PRR16: variants seen among roughly 807,000 people sequenced by gnomAD.
The protein encoded by PRR16 is proline rich 16, also known as protein Largen.
In PRR16, 6 loss-of-function variants were observed where a neutral mutation model predicts 18.2. The observed-to-expected ratio is 0.33, with a 90% CI of 0.18 to 0.65. The LOEUF (loss-of-function observed/expected upper bound fraction) is 0.65, where lower values mean the gene tolerates loss of function less well. PRR16 is among the 30% of genes least tolerant of loss of function. The probability of loss-of-function intolerance (pLI) is 0.74; values close to 1 mark genes in which losing one functional copy is unlikely to be tolerated. For synonymous variants in PRR16, 151 were observed against 147.8 expected, an observed-to-expected ratio of 1.02 and a Z score of -0.16; for missense variants, 412 against 376.6, an observed-to-expected ratio of 1.09 and a Z score of -0.78.
At chr5:120,662,225 A>G (rs1756196781) in intron 1 of PRR16, among the ~76,000 whole-genome samples, 1 of 152,160 alleles carries the variant, frequency 6.6e-6, no homozygotes, top group Non-Finnish European at 1.5e-5. Flanking sequence ...CTTACCTTGA[A>G]ATGATCTTTA....
intron 1 of PRR16, among the ~76,000 whole-genome samples, chr5:120,655,532 T>G (rs143251102): frequency 1.3e-5 from 2 of 151,850 alleles, no homozygotes; most frequent in African/African-American, 4.8e-5. Context: ...AAGTAGTAGT[T>G]TGACAATATC....
At chr5:120,564,526 C>T (rs1008297322) in intron 1 of PRR16, among the ~76,000 whole-genome samples, 4 of 152,104 alleles carry the variant, frequency 2.6e-5, no homozygotes, top group Non-Finnish European at 4.4e-5. Flanking sequence ...CTTTGCTCTC[C>T]GCTATAACAA....
At chr5:120,479,831 C>T (rs917264045) in intron 1 of PRR16, among the ~76,000 whole-genome samples, 1 of 151,528 alleles carries the variant, frequency 6.6e-6, no homozygotes, top group Admixed American at 6.6e-5. Flanking sequence ...ACTTTGATAC[C>T]TACTAGTTCT....
intron 1 of PRR16, among the ~76,000 whole-genome samples, chr5:120,491,066 G>A (rs142997924): frequency 3.3e-5 from 5 of 152,026 alleles, no homozygotes; most frequent in African/African-American, 9.7e-5. Context: ...TGCCCCTACT[G>A]GGGGGTGCCT....
intron 1 of PRR16, among the ~76,000 whole-genome samples, chr5:120,470,017 A>T (rs1749217871): frequency 1.3e-5 from 2 of 152,294 alleles, no homozygotes; most frequent in East Asian, 1.9e-4. Flanking sequence ...GGATTATGTT[A>T]TTTTCATCCT....
chr5:120,610,672 C>T (rs1754305507), intron 1 of PRR16, among the ~76,000 whole-genome samples: 1 of 152,164 alleles, frequency 6.6e-6, no homozygotes, highest in South Asian at 2.1e-4. Context: ...GTGCCCTTCA[C>T]CTCCCACCAT....
At chr5:120,688,619 G>A (rs1056854665), downstream of PRR16, among the ~76,000 whole-genome samples, 4 of 152,070 alleles carry the variant, frequency 2.6e-5, no homozygotes, top group Admixed American at 6.6e-5. Context: ...AAGCTAGACC[G>A]TTCAATATTA....
intron 1 of PRR16, among the ~76,000 whole-genome samples, chr5:120,517,539 G>A (rs187409781): frequency 8.5e-5 from 13 of 152,086 alleles, no homozygotes; most frequent in Admixed American, 7.2e-4. Context: ...TAAATCGTAA[G>A]GAAAGAAACA....
the PRR16 span, among the ~76,000 whole-genome samples, chr5:120,721,728 C>A: frequency 4.0e-5 from 6 of 151,894 alleles, no homozygotes; most frequent in Non-Finnish European, 8.8e-5. Context: ...AATTATTGTT[C>A]TTGCTTCCAT....
rs1372633934 is a variant in PRR16 at position 120,464,633 on chromosome 5, G to A, written c.147G>A (p.Lys49=). 9 of 1,564,298 alleles carry A rather than the reference G, an allele frequency of 5.8e-6. No homozygotes were observed. Among genetic ancestry groups the A allele is most frequent in the Non-Finnish European group, 7.7e-6 (9 of 1,162,550 alleles). The change falls in exon 1 of 2, where the codon AAG becomes AAA. Residue 49 remains lysine (K), a synonymous_variant. Coordinates refer to ENST00000407149, the MANE Select transcript of PRR16 (RefSeq NM_001300783.2). ...LVLGDLKDVA[K]ELKEVVDQID... is the part of the protein sequence containing the mutation. ...TGGGCGACCTGAAGGACGTGGCCAA[G>A]GAACTTAAGGAGGTGAGAGGCGCAG...
the PRR16 span, chr5:120,789,897 A>T: frequency 1.6e-4 from 21 of 131,384 alleles, no homozygotes; most frequent in Non-Finnish European, 2.9e-4. Context: ...GTTTTTGTTA[A>T]ACCATACTTA....
chr5:120,545,617 G>A (rs74543363), intron 1 of PRR16, among the ~76,000 whole-genome samples: 7,548 of 151,934 alleles, frequency 0.05, 239 homozygotes, highest in East Asian at 0.1. Flanking sequence ...ATGTTGCATG[G>A]TGTATTTTAT....
chr5:120,604,891 T>C (rs1284237101), intron 1 of PRR16, among the ~76,000 whole-genome samples: 2 of 152,206 alleles, frequency 1.3e-5, no homozygotes, highest in Non-Finnish European at 2.9e-5. Flanking sequence ...AGGTTTCTCC[T>C]GAAAAATTCA....
chr5:120,506,308 T>C (rs1365293352), intron 1 of PRR16, among the ~76,000 whole-genome samples: 3 of 152,116 alleles, frequency 2.0e-5, no homozygotes, highest in African/African-American at 7.2e-5. Context: ...AATTTTATTT[T>C]AGAATAAATT....
chr5:120,736,212 G>A, the PRR16 span, among the ~76,000 whole-genome samples: 820 of 152,232 alleles, frequency 5.4e-3, 5 homozygotes, highest in Non-Finnish European at 9.2e-3. Context: ...ATGTTTTCTC[G>A]ACTAAAATTT....
chr5:120,742,584 A>G, the PRR16 span, among the ~76,000 whole-genome samples: 1 of 152,070 alleles, frequency 6.6e-6, no homozygotes, highest in African/African-American at 2.4e-5. Flanking sequence ...TAGTTTCATA[A>G]TTTATTCATG....
At chr5:120,780,293 T>C in the PRR16 span, among the ~76,000 whole-genome samples, 1 of 152,188 alleles carries the variant, frequency 6.6e-6, no homozygotes, top group Non-Finnish European at 1.5e-5. Flanking sequence ...TACTATAGAA[T>C]TGCACATAAA....
At chr5:120,489,660 T>C (rs887500142) in intron 1 of PRR16, among the ~76,000 whole-genome samples, 2 of 152,288 alleles carry the variant, frequency 1.3e-5, no homozygotes, top group African/African-American at 4.8e-5. Context: ...ACATTTAAGG[T>C]TAATATTGTT....
chr5:120,737,146 C>T, the PRR16 span, among the ~76,000 whole-genome samples: 1 of 152,016 alleles, frequency 6.6e-6, no homozygotes, highest in African/African-American at 2.4e-5. Flanking sequence ...ACTTCCAGTA[C>T]TATGCTGAAT....
Sources: gnomAD v4.1 joint callset for allele counts (sites outside exome capture counted in the v4.1 genomes callset) on GRCh38, gnomAD v4.1.1 for gene constraint, MANE v1.5 for transcripts, NCBI Gene and HGNC (gene_info 2026-07-23, HGNC 2026-07-21) for gene names.